USH2A: variants seen among roughly 807,000 people sequenced by gnomAD.
USH2A encodes usherin.
A neutral mutation model predicts 538.9 loss-of-function variants in USH2A; 443 were observed. That is an observed-to-expected ratio of 0.82 (90% CI 0.76 to 0.89). The LOEUF is 0.89. USH2A is among the 40% of genes least tolerant of loss of function. The pLI is 0.00. For synonymous variants in USH2A, 2,413 were observed against 2,273.5 expected, an observed-to-expected ratio of 1.06 and a Z score of -1.75; for missense variants, 6,633 against 6,324.8, an observed-to-expected ratio of 1.05 and a Z score of -1.65.
chr1:216,171,852 C>T (rs965686482), intron 21 of USH2A, among the ~76,000 whole-genome samples: 6 of 151,996 alleles, frequency 3.9e-5, no homozygotes, highest in African/African-American at 1.2e-4. Flanking sequence ...TAATCTTCTT[C>T]GAAGTCCTCA....
intron 20 of USH2A, among the ~76,000 whole-genome samples, chr1:216,181,691 A>G (rs2034497138): frequency 6.6e-6 from 1 of 152,102 alleles, no homozygotes; most frequent in African/African-American, 2.4e-5. Flanking sequence ...CACTAATAAA[A>G]GGTAGTTGCT....
chr1:216,069,990 T>G, intron 30 of USH2A, 111 bp downstream of exon 30: 1 of 1,275,064 alleles, frequency 7.8e-7, no homozygotes, highest in Non-Finnish European at 1.1e-6. Flanking sequence ...TCAGGTAAAA[T>G]ACATGTATAT....
chr1:215,708,571 T>C lies in USH2A; in HGVS notation c.12066+19459A>G, dbSNP rs1011804427. Among the ~76,000 whole-genome samples the C allele has an allele frequency of 2.0e-5, 3 of 152,324 alleles. No individual in the cohort carries two copies. In the South Asian group the frequency reaches 6.2e-4, roughly 32 times the overall value. On this transcript the variant is annotated intron_variant, in intron 61 of 71. Transcript: ENST00000307340. ...GGTGGGGATGGTTTTAGGATGAAAC[T>C]GTTCCACCTCAGATCATCAGGTATT... is the stretch of plus-strand genomic sequence containing the variant.
chr1:215,625,898 TACA>T, intron 71 of USH2A, 28 bp from the exon 72 acceptor site: 3 of 1,585,128 alleles, frequency 1.9e-6, no homozygotes, highest in African/African-American at 1.3e-5. Context: ...CATCATTGGC[TACA>T]TACTTGCTAT....
chr1:216,128,276 T>C (rs952347472), intron 21 of USH2A, among the ~76,000 whole-genome samples: 3 of 152,130 alleles, frequency 2.0e-5, no homozygotes, highest in African/African-American at 7.2e-5. Flanking sequence ...CAATGTGTAA[T>C]TTAGATGCAC....
intron 64 of USH2A, among the ~76,000 whole-genome samples, chr1:215,654,807 C>G (rs961135464): frequency 1.3e-5 from 2 of 152,082 alleles, no homozygotes; most frequent in African/African-American, 4.8e-5. Flanking sequence ...TAACTAGAGA[C>G]TATTACCATA....
intron 32 of USH2A, among the ~76,000 whole-genome samples, chr1:216,037,276 T>C (rs992652732): frequency 3.9e-5 from 6 of 152,144 alleles, no homozygotes; most frequent in Non-Finnish European, 5.9e-5. Context: ...GAAGAAGGAC[T>C]CTAGTGAAGC....
chr1:215,954,028 C>T (rs1666998087), intron 37 of USH2A, among the ~76,000 whole-genome samples: 1 of 152,136 alleles, frequency 6.6e-6, no homozygotes, highest in South Asian at 2.1e-4. Flanking sequence ...CATCTGACAC[C>T]AGTTAGGATG....
intron 56 of USH2A, among the ~76,000 whole-genome samples, chr1:215,766,195 T>A (rs1661122274): frequency 1.3e-5 from 2 of 152,194 alleles, no homozygotes; most frequent in Admixed American, 1.3e-4. Context: ...AAGCCTTTTT[T>A]GATGTCATCG....
intron 40 of USH2A, among the ~76,000 whole-genome samples, chr1:215,893,203 G>A (rs1345945723): frequency 2.0e-5 from 3 of 152,142 alleles, no homozygotes; most frequent in African/African-American, 7.2e-5. Flanking sequence ...AAGATTAAAT[G>A]AATCTATGTA....
chr1:215,831,149 G>C (rs1369376790), intron 47 of USH2A, among the ~76,000 whole-genome samples: 1 of 152,132 alleles, frequency 6.6e-6, no homozygotes. Flanking sequence ...ACAAGAGCCA[G>C]TTTATCAAGA....
At chr1:216,351,632 G>A (rs949041195) in intron 4 of USH2A, among the ~76,000 whole-genome samples, 1 of 152,178 alleles carries the variant, frequency 6.6e-6, no homozygotes, top group Non-Finnish European at 1.5e-5. Flanking sequence ...GAGCAGAGAA[G>A]TAATATGCTT....
intron 41 of USH2A, among the ~76,000 whole-genome samples, chr1:215,882,187 T>A (rs1221279873): frequency 1.3e-5 from 2 of 152,302 alleles, no homozygotes; most frequent in East Asian, 3.9e-4. Flanking sequence ...AGGCAAAACA[T>A]TTAACATCTC....
At chr1:216,298,948 C>T (rs2037159330) in intron 9 of USH2A, among the ~76,000 whole-genome samples, 1 of 151,896 alleles carries the variant, frequency 6.6e-6, no homozygotes, top group Admixed American at 6.6e-5. Flanking sequence ...TCACACCATT[C>T]TCCTGCCTCA....
intron 43 of USH2A, among the ~76,000 whole-genome samples, chr1:215,874,979 G>C (rs1258552407): frequency 6.6e-6 from 1 of 152,190 alleles, no homozygotes; most frequent in Non-Finnish European, 1.5e-5. Context: ...ACCAACACAT[G>C]ATGAACACTC....
rs572874379 is a variant in USH2A, at chr1:216,013,523, T to C, written c.6326-12961A>G. 2.5e-4 allele frequency among the ~76,000 whole-genome samples: 38 copies of C among 152,258 alleles called. No homozygotes were observed. The South Asian group carries it at 5.6e-3, about 22-fold the overall frequency. ...TGTGACCTGCACGTACACATCCAGA[T>C]GGCCGGTTCCTGCCTTAACTGCTGA... On this transcript the variant is annotated intron_variant, in intron 32 of 71. Transcript: ENST00000307340.
intron 3 of USH2A, among the ~76,000 whole-genome samples, chr1:216,387,158 A>G (rs2039022138): frequency 6.6e-6 from 1 of 152,216 alleles, no homozygotes. Context: ...GAAAATAGAA[A>G]AGTGAAGAAA....
intron 32 of USH2A, among the ~76,000 whole-genome samples, chr1:216,033,850 C>T (rs879652816): frequency 5.9e-5 from 9 of 152,008 alleles, no homozygotes; most frequent in Admixed American, 5.9e-4. Flanking sequence ...AAAACAAGAA[C>T]AGCAAAAAAG....
intron 32 of USH2A, among the ~76,000 whole-genome samples, chr1:216,044,184 G>A (rs114282508): frequency 0.017 from 2,546 of 152,168 alleles, 76 homozygotes; most frequent in African/African-American, 0.058. Flanking sequence ...AAAAAGCAGC[G>A]ATGTAATATA....
Sources: allele counts gnomAD v4.1 joint callset (sites outside exome capture counted in the v4.1 genomes callset), GRCh38; gene constraint gnomAD v4.1.1; transcripts MANE v1.5; gene names NCBI Gene and HGNC (gene_info 2026-07-23, HGNC 2026-07-21).